Variants in PCDHGA2 observed in about 807,000 individuals in gnomAD.
PCDHGA2 encodes protocadherin gamma-A2.
In PCDHGA2, 40 loss-of-function variants were observed where a neutral mutation model predicts 59.2. That is an observed-to-expected ratio of 0.68 (90% confidence interval 0.52 to 0.88). The LOEUF (loss-of-function observed/expected upper bound fraction) is 0.88. PCDHGA2 is among the 40% of genes least tolerant of loss of function. The pLI is 0.00. For missense variants in PCDHGA2, 1,226 were observed against 1,204.0 expected, an observed-to-expected ratio of 1.02 and a Z score of -0.27; for synonymous variants, 560 against 526.0, an observed-to-expected ratio of 1.06 and a Z score of -0.89.
At chr5:141,400,415 T>C (rs1054517262) in intron 1 of PCDHGA2, 16 of 1,614,080 alleles carry the variant, frequency 9.9e-6, no homozygotes, top group Non-Finnish European at 1.3e-5. Flanking sequence ...TTTAATTTCC[T>C]AAAATGTAGT....
intron 1 of PCDHGA2, chr5:141,389,372 G>A: frequency 6.2e-7 from 1 of 1,613,806 alleles, no homozygotes; most frequent in South Asian, 1.1e-5. Flanking sequence ...ACCTGGAGCA[G>A]CGGGAGCTGT....
chr5:141,478,465 C>T (rs768021356), intron 1 of PCDHGA2: 6 of 1,613,730 alleles, frequency 3.7e-6, no homozygotes, highest in Non-Finnish European at 5.1e-6. Context: ...GTCCACTGGC[C>T]AGCCGCCAGA....
chr5:141,511,391 C>G lies in PCDHGA2; in HGVS notation c.*218C>G. ...TGCAAAAGCAGTTCCGCTGGGAACC[C>G]CCATCCAATCAACTGCTGTACCCAT... is the stretch of plus-strand genomic sequence containing the variant. On this transcript the variant is annotated 3_prime_UTR_variant, in exon 4 of 4. Coordinates refer to ENST00000394576, the MANE Select transcript of PCDHGA2 (RefSeq NM_018915.4). 2.8e-6 allele frequency: 3 copies of G among 1,079,748 alleles called. No homozygotes were observed. The highest frequency in any genetic ancestry group is 3.3e-5 in the South Asian group (2 of 60,136). The allele number at this position is 1,079,748 out of a possible 1,614,324, so 66.9% of individuals were successfully genotyped here. A position where few individuals can be genotyped will look rare whatever the true frequency, so the allele number is the denominator to read the frequency against.
At chr5:141,403,551 T>G in intron 1 of PCDHGA2, 1 of 1,613,986 alleles carries the variant, frequency 6.2e-7, no homozygotes, top group Non-Finnish European at 8.5e-7. Context: ...GAGCGCGCCC[T>G]GGACAGGGAG....
At chr5:141,457,289 G>C (rs907200077) in intron 1 of PCDHGA2, among the ~76,000 whole-genome samples, 2 of 152,146 alleles carry the variant, frequency 1.3e-5, no homozygotes, top group African/African-American at 4.8e-5. Flanking sequence ...GAAGTTCCTT[G>C]GTTTTATTTT....
chr5:141,376,550 C>T (rs1772814272), intron 1 of PCDHGA2: 2 of 1,611,946 alleles, frequency 1.2e-6, no homozygotes, highest in African/African-American at 1.3e-5. Context: ...ATCTGATCTT[C>T]CCGCAACCCA....
chr5:141,473,894 T>C (rs1224416966), intron 1 of PCDHGA2, among the ~76,000 whole-genome samples: 1 of 152,134 alleles, frequency 6.6e-6, no homozygotes, highest in Non-Finnish European at 1.5e-5. Context: ...GTTCTGTTGG[T>C]TCATGAAGAG....
At position 141,405,049 on chromosome 5, in the gene PCDHGA2, C is replaced by T. The variant is rs190786640; in HGVS notation, c.2424+63654C>T. 223 of 1,613,936 alleles carry T rather than the reference C, an allele frequency of 1.4e-4. 1 individual carries two copies. The African/African-American group carries it at 1.9e-3, about 14-fold the overall frequency. On this transcript the variant is annotated intron_variant, in intron 1 of 3. Coordinates refer to ENST00000394576, the MANE Select transcript of PCDHGA2 (RefSeq NM_018915.4). ...TCTACCTCGTTGTGGCTGTGGCAGTCGTCTCCTGTGTCTTCCTCACCTTCG... is the reference window on the plus strand; with the variant it reads ...TCTACCTCGTTGTGGCTGTGGCAGTTGTCTCCTGTGTCTTCCTCACCTTCG...
chr5:141,460,587 T>C (rs1461971599), intron 1 of PCDHGA2, among the ~76,000 whole-genome samples: 1 of 152,170 alleles, frequency 6.6e-6, no homozygotes, highest in Non-Finnish European at 1.5e-5. Flanking sequence ...TGTGGGTTTT[T>C]TCTGGGCTCT....
chr5:141,365,477 G>A, intron 1 of PCDHGA2: 3 of 1,613,994 alleles, frequency 1.9e-6, no homozygotes, highest in Non-Finnish European at 2.5e-6. Flanking sequence ...TGGTGAGATT[G>A]CATGCTCTAT....
chr5:141,338,824 C>A lies in PCDHGA2; in HGVS notation c.-148C>A. On this transcript the variant is annotated 5_prime_UTR_variant, in exon 1 of 4. Transcript: ENST00000394576. Reference sequence around the variant, plus strand: ...GTTTGGCCCTAAAGCTTCAGGACACCAAAGAAATTCAGTCGAACAGCCCAC... The same window carrying A: ...GTTTGGCCCTAAAGCTTCAGGACACAAAAGAAATTCAGTCGAACAGCCCAC... 2 of 1,388,648 alleles carry A rather than the reference C, an allele frequency of 1.4e-6. No homozygotes were observed. The highest frequency in any genetic ancestry group is 3.6e-5 in the South Asian group (2 of 54,930). The allele number at this position is 1,388,648 out of a possible 1,614,324, so 86.0% of individuals were successfully genotyped here. A position where few individuals can be genotyped will look rare whatever the true frequency, so the allele number is the denominator to read the frequency against.
chr5:141,394,487 C>A, intron 1 of PCDHGA2: 1 of 1,614,248 alleles, frequency 6.2e-7, no homozygotes. Context: ...AGAATGACAA[C>A]GCGCCCGAGA....
Position 141,341,065 on chromosome 5 carries a change from C to G in PCDHGA2, c.2094C>G (p.Ala698=). ...CTCTGTACCTGGTGGTGGCGGTGGC[C>G]GCGGTCTCCTGCGTCTTCCTGGCCT... ...DLTLYLVVAV[A]AVSCVFLAFV... is the part of the protein sequence containing the mutation. The change falls in exon 1 of 4, where the codon GCC becomes GCG. Residue 698 remains alanine, a synonymous_variant. Coordinates refer to ENST00000394576, the MANE Select transcript of PCDHGA2 (RefSeq NM_018915.4). 6.2e-7 allele frequency: 1 copy of G among 1,614,192 alleles called. No homozygotes were observed. Among genetic ancestry groups the G allele is most frequent in the Non-Finnish European group, 8.5e-7 (1 of 1,180,044 alleles).
rs771162471 is a variant in PCDHGA2, at chr5:141,376,386, T to G, written c.2424+34991T>G. 81 of 1,614,116 alleles carry G rather than the reference T, an allele frequency of 5.0e-5. No individual in the cohort carries two copies. The highest frequency in any genetic ancestry group is 4.2e-4 in the South Asian group (38 of 91,094). On this transcript the variant is annotated intron_variant, in intron 1 of 3. Transcript: ENST00000394576. ...ACTGCAGACTCGCGTAAGAGTCATC[T>G]GATTTTCCCCCAGCCCAACTATGCC...
At chr5:141,376,345 C>G (rs747833428) in intron 1 of PCDHGA2, 1 of 1,614,084 alleles carries the variant, frequency 6.2e-7, no homozygotes, top group African/African-American at 1.3e-5. Context: ...AGACCTATTC[C>G]CACGAGGTCT....
intron 1 of PCDHGA2, among the ~76,000 whole-genome samples, chr5:141,405,902 G>A (rs777584362): frequency 2.6e-5 from 4 of 152,084 alleles, no homozygotes; most frequent in Non-Finnish European, 4.4e-5. Flanking sequence ...CTGAAAGGAG[G>A]CATTTATTAG....
chr5:141,365,451 G>A lies in PCDHGA2; in HGVS notation c.2424+24056G>A, dbSNP rs553043540. 116 of 1,614,042 alleles carry A rather than the reference G, an allele frequency of 7.2e-5. No homozygotes were observed. In the Admixed American group the frequency reaches 1.8e-3, roughly 25 times the overall value. On this transcript the variant is annotated intron_variant, in intron 1 of 3. Coordinates refer to ENST00000394576, the MANE Select transcript of PCDHGA2 (RefSeq NM_018915.4). The stretch of plus-strand genomic sequence containing the variant: ...ATCGCGCTGTTTAGCGTACATGATG[G>A]TGATTCTGGAGAAAATGGTGAGATT...
At chr5:141,415,422 G>A (rs769839324) in intron 1 of PCDHGA2, 3 of 1,614,204 alleles carry the variant, frequency 1.9e-6, no homozygotes, top group East Asian at 2.2e-5. Context: ...GCGTGGACGG[G>A]GTTCGGGCTT....
intron 1 of PCDHGA2, chr5:141,364,594 C>G: frequency 6.2e-7 from 1 of 1,614,188 alleles, no homozygotes; most frequent in Non-Finnish European, 8.5e-7. Context: ...TCACCGCGGG[C>G]AGGATAGACC....
Sources: allele counts gnomAD v4.1 joint callset (sites outside exome capture counted in the v4.1 genomes callset), GRCh38; gene constraint gnomAD v4.1.1; transcripts MANE v1.5; gene names NCBI Gene and HGNC (gene_info 2026-07-23, HGNC 2026-07-21).